Variants in NTM observed in about 807,000 individuals in gnomAD.
NTM encodes the protein neurotrimin, also known as IgLON family member 2.
NTM carries 13 observed loss-of-function variants against 42.1 expected under a neutral mutation model. That is an observed-to-expected ratio of 0.31 (90% CI 0.20 to 0.49). The LOEUF (loss-of-function observed/expected upper bound fraction) is 0.49, where lower values mean the gene tolerates loss of function less well. Ranked by LOEUF, NTM falls within the 20% of genes least tolerant of loss-of-function variation. NTM has a pLI of 0.99. For missense variants in NTM, 373 were observed against 452.8 expected, an observed-to-expected ratio of 0.82 and a Z score of 1.60; for synonymous variants, 187 against 179.2, an observed-to-expected ratio of 1.04 and a Z score of -0.35.
intron 2 of NTM, among the ~76,000 whole-genome samples, chr11:131,954,339 C>T (rs1479738816): frequency 1.3e-5 from 2 of 152,226 alleles, no homozygotes; most frequent in Non-Finnish European, 2.9e-5. Context: ...GGGTGACTGT[C>T]GCTGCTTGGT....
chr11:131,916,450 T>C (rs977688787), intron 2 of NTM, among the ~76,000 whole-genome samples: 15 of 152,150 alleles, frequency 9.9e-5, no homozygotes, highest in African/African-American at 1.9e-4. Flanking sequence ...GGCTTAGCGA[T>C]TGGATGATGT....
chr11:131,398,467 A>G (rs1944791295), intron 1 of NTM, among the ~76,000 whole-genome samples: 1 of 152,182 alleles, frequency 6.6e-6, no homozygotes, highest in African/African-American at 2.4e-5. Context: ...CATATCATTT[A>G]TATCTCATTT....
rs191466708 is a variant in NTM, at chr11:131,755,447, G to A, written c.83-156117G>A. 1.0e-3 allele frequency among the ~76,000 whole-genome samples: 154 copies of A among 152,178 alleles called. 2 individuals are homozygous for A. The highest frequency in any genetic ancestry group is 2.4e-4 in the Non-Finnish European group (16 of 68,010). ...CAAGACATTAAGATACAGATGGACC[G>A]CATGCAGGGCCAAAAAATACTGGAT... is the stretch of plus-strand genomic sequence containing the variant. On this transcript the variant is annotated intron_variant, in intron 1 of 8. Transcript: ENST00000683400.
In NTM at chr11:131,975,545, GA is replaced by G. The variant is rs138674879; in HGVS notation, c.167+63905del. On this transcript the variant is annotated intron_variant, in intron 2 of 8. Coordinates refer to ENST00000683400, the MANE Select transcript of NTM (RefSeq NM_001352005.2). ...AGCCTTAAAATGTTAGGGGAGGGGG[GA>G]AAAAAAACCTCCAAACAAAACCCCA... Among the ~76,000 whole-genome samples, 495 of 151,590 alleles carry G rather than the reference GA, an allele frequency of 3.3e-3. 1 individual carries two copies. Among genetic ancestry groups the G allele is most frequent in the African/African-American group, 6.3e-3 (261 of 41,324 alleles).
intron 1 of NTM, among the ~76,000 whole-genome samples, chr11:131,682,106 G>A (rs1407030141): frequency 6.6e-6 from 1 of 152,126 alleles, no homozygotes; most frequent in Non-Finnish European, 1.5e-5. Context: ...CGCCCTCCAC[G>A]GGCAGTGGCT....
chr11:131,625,753 C>T (rs2063040288), intron 1 of NTM, among the ~76,000 whole-genome samples: 1 of 152,224 alleles, frequency 6.6e-6, no homozygotes, highest in African/African-American at 2.4e-5. Context: ...TAACCTCCAA[C>T]TTGATGCCAG....
Position 131,370,772 on chromosome 11 carries a change from G to A in NTM, c.-35G>A, listed in dbSNP as rs1335352317. The A allele has an allele frequency of 6.3e-7, 1 of 1,580,110 alleles. No individual in the cohort carries two copies. The highest frequency in any genetic ancestry group is 1.1e-5 in the South Asian group (1 of 88,950). ...AGAAAGAAAGAAAAAAACCGAACCT[G>A]ACAAAAAAGAAGAAAAAGAAGAAGA... On this transcript the variant is annotated 5_prime_UTR_variant, in exon 1 of 9. Coordinates refer to ENST00000683400, the MANE Select transcript of NTM (RefSeq NM_001352005.2).
intron 1 of NTM, among the ~76,000 whole-genome samples, chr11:131,828,282 C>A (rs986092381): frequency 6.6e-6 from 1 of 152,136 alleles, no homozygotes; most frequent in East Asian, 1.9e-4. Flanking sequence ...ACCACCACGA[C>A]CACTTTCACT....
chr11:131,714,429 G>A (rs111698345), intron 1 of NTM, among the ~76,000 whole-genome samples: 7,633 of 152,160 alleles, frequency 0.05, 646 homozygotes, highest in African/African-American at 0.17. Context: ...GACTTCAGGT[G>A]ATACACCCAC....
At chr11:131,434,401 C>T (rs1948947225) in intron 1 of NTM, among the ~76,000 whole-genome samples, 2 of 152,224 alleles carry the variant, frequency 1.3e-5, no homozygotes, top group Admixed American at 1.3e-4. Context: ...TACACTCCCA[C>T]CAACAGTGTA....
chr11:132,321,004 T>C (rs1291983742), intron 7 of NTM, among the ~76,000 whole-genome samples: 1 of 150,416 alleles, frequency 6.6e-6, no homozygotes, highest in African/African-American at 2.5e-5. Flanking sequence ...AGAAAGGACA[T>C]CCACACCAAA....
chr11:131,704,159 C>T (rs1179892563), intron 1 of NTM, among the ~76,000 whole-genome samples: 1 of 152,194 alleles, frequency 6.6e-6, no homozygotes, highest in African/African-American at 2.4e-5. Flanking sequence ...CTGGTTCCCA[C>T]AGAACCTGGC....
rs1336771664 is a variant in NTM, at chr11:131,482,909, A to G, written c.82+112021A>G. On this transcript the variant is annotated intron_variant, in intron 1 of 8. Coordinates refer to ENST00000683400, the MANE Select transcript of NTM (RefSeq NM_001352005.2). ...GAGTCGAGCATGGGTCCTGGGAAAA[A>G]GGAAGCTTCAGGCAGCTGTGTTGTA... 2.0e-5 allele frequency among the ~76,000 whole-genome samples: 3 copies of G among 152,214 alleles called. No individual in the cohort carries two copies. In the East Asian group the frequency reaches 5.8e-4, roughly 29 times the overall value.
At chr11:131,752,075 A>G (rs1215513313) in intron 1 of NTM, among the ~76,000 whole-genome samples, 1 of 152,190 alleles carries the variant, frequency 6.6e-6, no homozygotes, top group African/African-American at 2.4e-5. Flanking sequence ...TTGCACACCT[A>G]TGATAATGGC....
intron 2 of NTM, among the ~76,000 whole-genome samples, chr11:132,062,994 A>C (rs1386308360): frequency 6.6e-6 from 1 of 152,164 alleles, no homozygotes; most frequent in Non-Finnish European, 1.5e-5. Flanking sequence ...TCCTAGAGCA[A>C]AATACCATAG....
At chr11:132,311,168 G>C (rs964311324) in intron 6 of NTM, among the ~76,000 whole-genome samples, 1 of 152,166 alleles carries the variant, frequency 6.6e-6, no homozygotes, top group African/African-American at 2.4e-5. Flanking sequence ...GGCCGCCCAC[G>C]CTGTGTGCAC....
At position 131,843,894 on chromosome 11, in the gene NTM, TC is replaced by T. The variant is rs59488990; in HGVS notation, c.83-67669del. Among the ~76,000 whole-genome samples the T allele has an allele frequency of 3.4e-3, 412 of 119,668 alleles. 1 individual carries two copies. Among genetic ancestry groups the T allele is most frequent in the African/African-American group, 0.013 (396 of 30,410 alleles). The allele number at this position is 119,668 out of a possible 152,430, so 78.5% of individuals were successfully genotyped here. A position where few individuals can be genotyped will look rare whatever the true frequency, so the allele number is the denominator to read the frequency against. ...TTATTGGTTGGTTGGGATTTTATTC[TC>T]TTTTTTTTCACATTTTCGATATGAA... On this transcript the variant is annotated intron_variant, in intron 1 of 8. Coordinates refer to ENST00000683400, the MANE Select transcript of NTM (RefSeq NM_001352005.2).
intron 2 of NTM, among the ~76,000 whole-genome samples, chr11:131,917,983 C>T (rs2056658879): frequency 6.6e-6 from 1 of 152,226 alleles, no homozygotes; most frequent in African/African-American, 2.4e-5. Flanking sequence ...GGGGCCAGCT[C>T]AGTTCTCTAA....
chr11:132,208,165 C>T (rs1448065802), intron 3 of NTM, among the ~76,000 whole-genome samples: 1 of 152,162 alleles, frequency 6.6e-6, no homozygotes, highest in Admixed American at 6.5e-5. Flanking sequence ...ATAAGTAGCC[C>T]TATCTCACAC....
Sources: gnomAD v4.1 joint callset for allele counts (sites outside exome capture counted in the v4.1 genomes callset) on GRCh38, gnomAD v4.1.1 for gene constraint, MANE v1.5 for transcripts, NCBI Gene and HGNC (gene_info 2026-07-23, HGNC 2026-07-21) for gene names.